Variants in ASB14 observed in about 807,000 individuals in gnomAD.
ASB14 encodes ankyrin repeat and SOCS box protein 14.
A neutral mutation model predicts 55.6 loss-of-function variants in ASB14; 63 were observed. The ratio of observed to expected loss-of-function variants is 1.13; its 90% CI spans 0.92 to 1.40. The LOEUF (loss-of-function observed/expected upper bound fraction) is 1.40. Ranked by LOEUF, ASB14 falls within the 40% of genes most tolerant of loss-of-function variation. ASB14 has a pLI of 0.00. For synonymous variants in ASB14, 256 were observed against 259.9 expected (o/e 0.98, Z 0.15); for missense variants, 724 against 710.4 (o/e 1.02, Z -0.22).
chr3:57,279,843 A>G (rs977515728), intron 7 of ASB14, among the ~76,000 whole-genome samples: 1 of 152,164 alleles, frequency 6.6e-6, no homozygotes, highest in Admixed American at 6.5e-5. Flanking sequence ...ATTGATCTAG[A>G]TAAGTTAGTT....
rs1022963509 is a variant in ASB14 at position 57,276,830 on chromosome 3, A to G, written c.1586-102T>C. The G allele has an allele frequency of 2.7e-6, 3 of 1,096,108 alleles. No individual in the cohort carries two copies. In the African/African-American group the frequency reaches 4.7e-5, roughly 17 times the overall value. The allele number at this position is 1,096,108 out of a possible 1,614,324, so 67.9% of individuals were successfully genotyped here. ...ATTTGATAGCATTTCATTTGCTGTT[A>G]CTAAATGGCAAAGTCAATAGGGAAA... On this transcript the variant is annotated intron_variant, in intron 9 of 10. Coordinates refer to ENST00000487349, the MANE Select transcript of ASB14 (RefSeq NM_001142733.3).
intron 6 of ASB14, among the ~76,000 whole-genome samples, chr3:57,282,214 A>G (rs1159469901): frequency 1.3e-5 from 2 of 152,182 alleles, no homozygotes; most frequent in African/African-American, 4.8e-5. Flanking sequence ...AAAGATTTAG[A>G]TAATGTCTAA....
intron 5 of ASB14, among the ~76,000 whole-genome samples, chr3:57,284,292 A>G (rs1335747682): frequency 6.6e-6 from 1 of 151,946 alleles, no homozygotes; most frequent in African/African-American, 2.4e-5. Flanking sequence ...ATGCCTGGCT[A>G]ATTTCTTTAA....
At position 57,283,225 on chromosome 3, in the gene ASB14, G is replaced by A. The variant is rs532185826; in HGVS notation, c.684C>T (p.His228=). 15 of 1,552,124 alleles carry A rather than the reference G, an allele frequency of 9.7e-6. No individual in the cohort carries two copies. Among genetic ancestry groups the A allele is most frequent in the African/African-American group, 1.4e-5 (1 of 73,148 alleles). Residue 228 remains histidine, a synonymous_variant, in exon 6 of 11, where the codon CAC becomes CAT. Transcript: ENST00000487349. ...TPLALAAQSG[H]TEIMEMLLRK... ...GCAGTAACATTTCCATGATTTCAGT[G>A]TGTCCACTTTGGGCAGCAAGAGCAA...
intron 9 of ASB14, among the ~76,000 whole-genome samples, chr3:57,277,353 T>C (rs1453676164): frequency 2.0e-5 from 3 of 151,968 alleles, no homozygotes; most frequent in Non-Finnish European, 4.4e-5. Flanking sequence ...TAACATGAAA[T>C]AAATTATTAA....
At chr3:57,273,074 AAACTGG>A (rs2060956484) in intron 10 of ASB14, 1 of 152,658 alleles carries the variant, frequency 6.6e-6, no homozygotes, top group Non-Finnish European at 1.5e-5. Context: ...TAAAGATTTG[AAACTGG>A]AACTATATTA....
chr3:57,292,374 G>T (rs2061140343), intron 1 of ASB14, among the ~76,000 whole-genome samples: 1 of 152,224 alleles, frequency 6.6e-6, no homozygotes, highest in Non-Finnish European at 1.5e-5. Context: ...CAACTTGGCT[G>T]TGAGTCTTTC....
At chr3:57,272,032 C>T (rs968692048) in intron 10 of ASB14, 1 of 152,148 alleles carries the variant, frequency 6.6e-6, no homozygotes, top group African/African-American at 2.4e-5. Flanking sequence ...TTTGAAATCC[C>T]TTCTAGTTCT....
At chr3:57,274,678 C>T (rs1450127858) in intron 10 of ASB14, among the ~76,000 whole-genome samples, 1 of 152,164 alleles carries the variant, frequency 6.6e-6, no homozygotes, top group Non-Finnish European at 1.5e-5. Context: ...CAGGGCGAGA[C>T]TCCATCTCAG....
intron 10 of ASB14, among the ~76,000 whole-genome samples, chr3:57,274,884 G>A (rs1456122457): frequency 6.6e-6 from 1 of 152,150 alleles, no homozygotes; most frequent in Non-Finnish European, 1.5e-5. Flanking sequence ...GCCATAGCCA[G>A]GATTTTGTGG....
chr3:57,280,501 C>T (rs1579427915), intron 6 of ASB14, 28 bp from the exon 7 acceptor site: 7 of 1,522,302 alleles, frequency 4.6e-6, no homozygotes, highest in Non-Finnish European at 6.2e-6. Context: ...CTTGTTAATG[C>T]AAAAATTATT....
At chr3:57,286,468 A>C in intron 5 of ASB14, among the ~76,000 whole-genome samples, 1 of 146,190 alleles carries the variant, frequency 6.8e-6, no homozygotes, top group East Asian at 1.9e-4. Context: ...TTCTGCATTT[A>C]TAGTATGAAC....
At chr3:57,281,622 T>C (rs2061041334) in intron 6 of ASB14, among the ~76,000 whole-genome samples, 1 of 152,190 alleles carries the variant, frequency 6.6e-6, no homozygotes, top group African/African-American at 2.4e-5. Flanking sequence ...GTGCCCACTA[T>C]GTGCTGGTTC....
intron 10 of ASB14, among the ~76,000 whole-genome samples, chr3:57,275,470 G>A (rs2060978627): frequency 6.9e-6 from 1 of 144,652 alleles, no homozygotes; most frequent in East Asian, 2.0e-4. Context: ...AAAAAAAAAA[G>A]TATTAAGATG....
intron 3 of ASB14, 92 bp from the exon 4 acceptor site, chr3:57,288,378 C>G: frequency 7.7e-7 from 1 of 1,303,404 alleles, no homozygotes; most frequent in Non-Finnish European, 1.1e-6. Context: ...AAAGTTAATG[C>G]ATAAGACAAC....
chr3:57,285,577 G>A (rs1389344096), intron 5 of ASB14, among the ~76,000 whole-genome samples: 1 of 152,018 alleles, frequency 6.6e-6, no homozygotes, highest in Non-Finnish European at 1.5e-5. Flanking sequence ...TTACCTTCAT[G>A]TATGTCATTC....
chr3:57,290,041 T>G (rs1392332042), intron 2 of ASB14, among the ~76,000 whole-genome samples: 1 of 152,228 alleles, frequency 6.6e-6, no homozygotes, highest in Non-Finnish European at 1.5e-5. Flanking sequence ...TTACATTATC[T>G]TAAACATTTA....
Position 57,268,552 on chromosome 3 carries a change from T to G in ASB14, c.*1089A>C. On this transcript the variant is annotated 3_prime_UTR_variant, in exon 11 of 11. Coordinates refer to ENST00000487349, the MANE Select transcript of ASB14 (RefSeq NM_001142733.3). ...TGAAGACTTAATTCAGCACTATGAC[T>G]TTCAGATTTGAATTTCCAAATGAAG... The G allele has an allele frequency of 1.4e-6, 2 of 1,471,820 alleles. No individual in the cohort carries two copies. The highest frequency in any genetic ancestry group is 4.6e-5 in the East Asian group (2 of 43,078). 91.2% of individuals were successfully genotyped at this position (1,471,820 alleles called of 1,614,324 possible).
At chr3:57,272,344 T>C (rs2060947881) in intron 10 of ASB14, 1 of 152,184 alleles carries the variant, frequency 6.6e-6, no homozygotes, top group Non-Finnish European at 1.5e-5. Context: ...TTTTGCCACA[T>C]CTGCAATGAT....
Sources: gnomAD v4.1 joint callset for allele counts (sites outside exome capture counted in the v4.1 genomes callset) on GRCh38, gnomAD v4.1.1 for gene constraint, MANE v1.5 for transcripts, NCBI Gene and HGNC (gene_info 2026-07-23, HGNC 2026-07-21) for gene names.